TOP6BL: variants seen among roughly 807,000 people sequenced by gnomAD.
TOP6BL encodes type 2 DNA topoisomerase 6 subunit B-like.
At chr11:66,762,437 C>A in the TOP6BL span, 1 of 308,224 alleles carries the variant, frequency 3.2e-6, no homozygotes. Flanking sequence ...ATGCAAAGGA[C>A]AACCCAGGCC....
At chr11:66,819,904 T>TA in the TOP6BL span, among the ~76,000 whole-genome samples, 69 of 119,724 alleles carry the variant, frequency 5.8e-4, no homozygotes, top group African/African-American at 1.8e-3. Flanking sequence ...ACTCTTGTCT[T>TA]AAAAAAAAAA....
the TOP6BL span, among the ~76,000 whole-genome samples, chr11:66,841,658 T>C: frequency 1.3e-5 from 2 of 152,202 alleles, no homozygotes; most frequent in Non-Finnish European, 2.9e-5. Flanking sequence ...CTTCTACAGA[T>C]GAAAATCTGT....
chr11:66,842,028 T>C, the TOP6BL span, among the ~76,000 whole-genome samples: 3 of 152,000 alleles, frequency 2.0e-5, no homozygotes, highest in East Asian at 5.8e-4. Context: ...GTGAGACCCC[T>C]GTCTCTACAA....
the TOP6BL span, chr11:66,748,626 C>A: frequency 1.1e-6 from 1 of 873,026 alleles, no homozygotes; most frequent in Non-Finnish European, 1.6e-6. Context: ...CAGGATTGTT[C>A]CATAATTATA....
chr11:66,762,237 C>A, the TOP6BL span: 5 of 574,888 alleles, frequency 8.7e-6, no homozygotes, highest in East Asian at 6.2e-5. Flanking sequence ...CCGCAGGGGG[C>A]CCGGCCGCAG....
At chr11:66,807,881 AG>A in the TOP6BL span, among the ~76,000 whole-genome samples, 1 of 152,240 alleles carries the variant, frequency 6.6e-6, no homozygotes, top group Non-Finnish European at 1.5e-5. Context: ...TTAAGGAGTA[AG>A]GTGAACCTGA....
At chr11:66,767,557 A>C in the TOP6BL span, among the ~76,000 whole-genome samples, 1 of 152,098 alleles carries the variant, frequency 6.6e-6, no homozygotes, top group Admixed American at 6.5e-5. Flanking sequence ...GTTTATTGAC[A>C]TAACTTAGCT....
chr11:66,765,176 G>T, the TOP6BL span, among the ~76,000 whole-genome samples: 1 of 152,108 alleles, frequency 6.6e-6, no homozygotes, highest in Admixed American at 6.5e-5. Flanking sequence ...TATTATCATT[G>T]TTACTCTTAG....
At chr11:66,817,333 A>G in the TOP6BL span, among the ~76,000 whole-genome samples, 31 of 152,130 alleles carry the variant, frequency 2.0e-4, no homozygotes, top group African/African-American at 6.7e-4. Flanking sequence ...ATGGGTGACA[A>G]TTTGTTATCA....
chr11:66,814,908 A>G, the TOP6BL span, among the ~76,000 whole-genome samples: 22 of 152,244 alleles, frequency 1.4e-4, no homozygotes, highest in African/African-American at 5.3e-4. Flanking sequence ...GAGGTTAATA[A>G]CTGAGCTAAT....
At chr11:66,839,598 C>T in the TOP6BL span, among the ~76,000 whole-genome samples, 471 of 152,348 alleles carry the variant, frequency 3.1e-3, no homozygotes, top group Non-Finnish European at 4.2e-3. Context: ...CCTGAAATCA[C>T]TGTCAACTGA....
At chr11:66,823,429 A>G in the TOP6BL span, among the ~76,000 whole-genome samples, 1 of 152,218 alleles carries the variant, frequency 6.6e-6, no homozygotes, top group Admixed American at 6.5e-5. Flanking sequence ...TTAAGTTTTA[A>G]GAAATATTTG....
the TOP6BL span, among the ~76,000 whole-genome samples, chr11:66,798,597 CAAAAAA>C: frequency 2.3e-5 from 1 of 43,238 alleles, no homozygotes; most frequent in Admixed American, 2.5e-4. Flanking sequence ...GACTCTGTCT[CAAAAAA>C]AAAAAAAAAA....
the TOP6BL span, among the ~76,000 whole-genome samples, chr11:66,832,255 G>T: frequency 6.6e-6 from 1 of 151,672 alleles, no homozygotes; most frequent in Non-Finnish European, 1.5e-5. Flanking sequence ...CTGCCACCAT[G>T]CCCGACTAAT....
At chr11:66,758,302 C>CTTTTTTTTTTTTTTTTTTTTTTTTT in the TOP6BL span, 4 of 67,328 alleles carry the variant, frequency 5.9e-5, no homozygotes, top group Non-Finnish European at 9.9e-5. Context: ...TTTTCTTTTT[C>CTTTTTTTTTTTTTTTTTTTTTTTTT]TTTTTTTTTT....
chr11:66,773,070 G>GTCTC, the TOP6BL span, among the ~76,000 whole-genome samples: 2 of 149,878 alleles, frequency 1.3e-5, no homozygotes, highest in African/African-American at 2.4e-5. Context: ...TAATTATACA[G>GTCTC]TCTCTCTCTC....
chr11:66,768,386 A>C, the TOP6BL span, among the ~76,000 whole-genome samples: 1 of 152,144 alleles, frequency 6.6e-6, no homozygotes, highest in Non-Finnish European at 1.5e-5. Flanking sequence ...CATTTTGTAG[A>C]CATGATCTCA....
chr11:66,833,826 T>C, the TOP6BL span, among the ~76,000 whole-genome samples: 1 of 152,020 alleles, frequency 6.6e-6, no homozygotes, highest in African/African-American at 2.4e-5. Flanking sequence ...CACACCCTTG[T>C]AGTCCCAGCT....
At chr11:66,842,885 G>A in the TOP6BL span, 1 of 1,575,728 alleles carries the variant, frequency 6.3e-7, no homozygotes, top group South Asian at 1.2e-5. Flanking sequence ...AGGCTCAAGA[G>A]GGGCAGCCCC....
Sources: allele counts gnomAD v4.1 joint callset (sites outside exome capture counted in the v4.1 genomes callset), GRCh38; gene constraint gnomAD v4.1.1; transcripts MANE v1.5; gene names NCBI Gene and HGNC (gene_info 2026-07-23, HGNC 2026-07-21).